ST3GAL3: variants seen among roughly 807,000 people sequenced by gnomAD.
The protein encoded by ST3GAL3 is ST3 beta-galactoside alpha-2,3-sialyltransferase 3.
Under a neutral mutation model 50.1 loss-of-function variants are expected in ST3GAL3, and 21 were observed. That is an observed-to-expected ratio of 0.42 (90% CI 0.30 to 0.60). ST3GAL3 has a LOEUF of 0.60. Ranked by LOEUF, ST3GAL3 falls within the 20% of genes least tolerant of loss-of-function variation. The probability of loss-of-function intolerance (pLI) is 0.19; values close to 1 mark genes in which losing one functional copy is unlikely to be tolerated. For synonymous variants in ST3GAL3, 183 were observed against 190.0 expected (o/e 0.96, Z 0.30); for missense variants, 353 against 489.4 (o/e 0.72, Z 2.63).
intron 4 of ST3GAL3, among the ~76,000 whole-genome samples, chr1:43,819,488 TA>T (rs35235321): frequency 0.85 from 129,589 of 152,166 alleles, 55,466 homozygotes; most frequent in East Asian, 0.92. Flanking sequence ...GCAGGCCATA[TA>T]AAAAAAACAG....
At chr1:43,852,310 G>T (rs993702001) in intron 5 of ST3GAL3, among the ~76,000 whole-genome samples, 10 of 152,198 alleles carry the variant, frequency 6.6e-5, no homozygotes, top group African/African-American at 2.4e-4. Context: ...CACTTGTTTT[G>T]CTCTAAATTT....
intron 4 of ST3GAL3, among the ~76,000 whole-genome samples, chr1:43,818,118 ACT>A (rs975531036): frequency 2.6e-5 from 4 of 151,756 alleles, no homozygotes; most frequent in Non-Finnish European, 5.9e-5. Flanking sequence ...CCTCTGCCCC[ACT>A]CTCTCTCTAC....
At chr1:43,885,085 A>G (rs2075754109) in intron 5 of ST3GAL3, among the ~76,000 whole-genome samples, 1 of 152,190 alleles carries the variant, frequency 6.6e-6, no homozygotes, top group Non-Finnish European at 1.5e-5. Flanking sequence ...CCTTAGCCAC[A>G]TTTTTGAGCA....
rs529469585 is a variant in ST3GAL3 at position 43,905,830 on chromosome 1, C to G, written c.744+6103C>G. 2.4e-3 allele frequency among the ~76,000 whole-genome samples: 336 copies of G among 137,570 alleles called. 4 individuals are homozygous for G. Among genetic ancestry groups the G allele is most frequent in the Non-Finnish European group, 4.4e-3 (280 of 63,970 alleles). The allele number at this position is 137,570 out of a possible 152,430, so 90.3% of individuals were successfully genotyped here. A position where few individuals can be genotyped will look rare whatever the true frequency, so the allele number is the denominator to read the frequency against. ...CCTCTTCCTGTTTCTCTTCCTACCA[C>G]TCTTCTTTCTCCTCCTCCTGTTCCT... On this transcript the variant is annotated intron_variant, in intron 9 of 11. Coordinates refer to ENST00000347631, the MANE Select transcript of ST3GAL3 (RefSeq NM_006279.5).
At chr1:43,805,163 T>C (rs942983606) in intron 3 of ST3GAL3, among the ~76,000 whole-genome samples, 30 of 152,232 alleles carry the variant, frequency 2.0e-4, no homozygotes, top group Admixed American at 1.9e-3. Context: ...CAGAATCCAA[T>C]TGGAAGCTAA....
chr1:43,786,263 G>C (rs992440079), intron 2 of ST3GAL3, among the ~76,000 whole-genome samples: 2 of 152,112 alleles, frequency 1.3e-5, no homozygotes, highest in African/African-American at 4.8e-5. Flanking sequence ...TTTAAGCAGG[G>C]CTTCTCATTG....
intron 4 of ST3GAL3, among the ~76,000 whole-genome samples, chr1:43,817,710 CCTT>C (rs750093385): frequency 7.0e-5 from 10 of 142,202 alleles, no homozygotes; most frequent in Non-Finnish European, 1.4e-4. Context: ...TCTTCCTTCT[CCTT>C]CTCCTCCTTC....
chr1:43,795,540 A>G (rs2058589670), intron 3 of ST3GAL3, among the ~76,000 whole-genome samples: 1 of 152,226 alleles, frequency 6.6e-6, no homozygotes, highest in South Asian at 2.1e-4. Flanking sequence ...AGCTGGGTAG[A>G]GGTCTTCACA....
At chr1:43,842,531 G>C (rs1203104634) in intron 5 of ST3GAL3, 1 of 152,090 alleles carries the variant, frequency 6.6e-6, no homozygotes, top group African/African-American at 2.4e-5. Context: ...TAGAGGCCGG[G>C]CATGGTGGCT....
intron 2 of ST3GAL3, among the ~76,000 whole-genome samples, chr1:43,773,414 T>G (rs781502736): frequency 2.0e-5 from 3 of 152,236 alleles, no homozygotes; most frequent in Non-Finnish European, 4.4e-5. Flanking sequence ...TTTTATTTAT[T>G]TGTTTCCTCT....
At chr1:43,824,443 A>G (rs143567690) in intron 4 of ST3GAL3, among the ~76,000 whole-genome samples, 25 of 152,292 alleles carry the variant, frequency 1.6e-4, no homozygotes, top group African/African-American at 5.3e-4. Context: ...AAAGCTAAAA[A>G]TATTTCACTA....
intron 2 of ST3GAL3, among the ~76,000 whole-genome samples, chr1:43,765,806 C>T (rs1406278973): frequency 4.8e-5 from 7 of 145,606 alleles, no homozygotes; most frequent in East Asian, 3.9e-4. Flanking sequence ...CGCGCGTCCG[C>T]GCGTCCGCGT....
intron 4 of ST3GAL3, among the ~76,000 whole-genome samples, chr1:43,836,841 C>T (rs1408214922): frequency 6.6e-6 from 1 of 152,214 alleles, no homozygotes; most frequent in African/African-American, 2.4e-5. Flanking sequence ...GCAGTGACTC[C>T]AGACCCACAT....
chr1:43,749,795 A>G (rs1685317193), intron 2 of ST3GAL3, among the ~76,000 whole-genome samples: 2 of 152,222 alleles, frequency 1.3e-5, no homozygotes, highest in African/African-American at 4.8e-5. Flanking sequence ...CTGCCCTCAT[A>G]AATGAATGAA....
chr1:43,731,888 G>T (rs1676085274), intron 1 of ST3GAL3, among the ~76,000 whole-genome samples: 1 of 151,782 alleles, frequency 6.6e-6, no homozygotes, highest in Admixed American at 6.6e-5. Context: ...GTGTTGCCCA[G>T]GTTGGTTTAG....
At position 43,757,160 on chromosome 1, in the gene ST3GAL3, C is replaced by T. The variant is rs140056856; in HGVS notation, c.118+20780C>T. Among the ~76,000 whole-genome samples, 387 of 152,278 alleles carry T rather than the reference C, an allele frequency of 2.5e-3. 2 individuals carry two copies. The highest frequency in any genetic ancestry group is 8.8e-3 in the African/African-American group (366 of 41,548). ...CCTCAAGTAATCCGCCTACCTCAGC[C>T]TCTCAAAGTGCTGGGATTACAGGCA... is the stretch of plus-strand genomic sequence containing the variant. On this transcript the variant is annotated intron_variant, in intron 2 of 11. Coordinates refer to ENST00000347631, the MANE Select transcript of ST3GAL3 (RefSeq NM_006279.5).
At chr1:43,888,635 G>C (rs1361910828) in intron 5 of ST3GAL3, among the ~76,000 whole-genome samples, 1 of 152,008 alleles carries the variant, frequency 6.6e-6, no homozygotes, top group African/African-American at 2.4e-5. Context: ...TATAGAAAAA[G>C]AACTGCAAAT....
chr1:43,774,266 T>G (rs746906159), intron 2 of ST3GAL3, among the ~76,000 whole-genome samples: 6 of 152,198 alleles, frequency 3.9e-5, no homozygotes, highest in African/African-American at 7.2e-5. Context: ...TCTAACTTGG[T>G]TTTTTCTTTT....
At chr1:43,921,036 C>A in intron 11 of ST3GAL3, 108 bp downstream of exon 11, 1 of 1,349,076 alleles carries the variant, frequency 7.4e-7, no homozygotes, top group South Asian at 1.3e-5. Context: ...CAGAACTCCC[C>A]AGAAGGTCCT....
Sources: gnomAD v4.1 joint callset for allele counts (sites outside exome capture counted in the v4.1 genomes callset) on GRCh38, gnomAD v4.1.1 for gene constraint, MANE v1.5 for transcripts, NCBI Gene and HGNC (gene_info 2026-07-23, HGNC 2026-07-21) for gene names.